IDE: variants seen among roughly 807,000 people sequenced by gnomAD.
IDE encodes insulin-degrading enzyme.
A neutral mutation model predicts 133.2 loss-of-function variants in IDE; 58 were observed. That is an observed-to-expected ratio of 0.44 (90% CI 0.35 to 0.54). The LOEUF is 0.54. Ranked by LOEUF, IDE falls within the 20% of genes least tolerant of loss-of-function variation. The pLI is 0.00. For synonymous variants in IDE, 396 were observed against 421.3 expected (o/e 0.94, Z 0.73); for missense variants, 981 against 1,234.0 (o/e 0.79, Z 3.07).
chr10:92,550,253 GA>G (rs1183964837), intron 1 of IDE, among the ~76,000 whole-genome samples: 2 of 151,914 alleles, frequency 1.3e-5, no homozygotes, highest in African/African-American at 2.4e-5. Flanking sequence ...TGTGGAGTGG[GA>G]AAAAATATCT....
intron 11 of IDE, among the ~76,000 whole-genome samples, chr10:92,493,944 C>T (rs923547464): frequency 2.6e-5 from 4 of 152,102 alleles, no homozygotes; most frequent in Non-Finnish European, 5.9e-5. Flanking sequence ...CAGGGAAGAG[C>T]ACTTGAATTA....
At chr10:92,531,710 G>GT in intron 4 of IDE, 38 bp downstream of exon 4, 1 of 1,358,510 alleles carries the variant, frequency 7.4e-7, no homozygotes, top group African/African-American at 1.4e-5. Context: ...AGTGGCCATG[G>GT]GTTTAAATGA....
chr10:92,509,811 C>T (rs370320213), intron 6 of IDE, among the ~76,000 whole-genome samples: 1 of 151,524 alleles, frequency 6.6e-6, no homozygotes, highest in Non-Finnish European at 1.5e-5. Context: ...GTCCCAACTA[C>T]TCAGAAGGCT....
At chr10:92,538,743 G>T (rs17107721) in intron 1 of IDE, among the ~76,000 whole-genome samples, 2 of 148,078 alleles carry the variant, frequency 1.4e-5, no homozygotes, top group African/African-American at 5.0e-5. Context: ...TAGGGTAGAT[G>T]TAACTTTTGT....
chr10:92,568,543 C>T (rs1460463740), intron 1 of IDE, among the ~76,000 whole-genome samples: 2 of 152,132 alleles, frequency 1.3e-5, no homozygotes, highest in African/African-American at 2.4e-5. Flanking sequence ...CAGCCGGGCA[C>T]GGTGGCCCAC....
chr10:92,486,021 T>C (rs574689419), intron 13 of IDE, among the ~76,000 whole-genome samples: 46 of 152,258 alleles, frequency 3.0e-4, no homozygotes, highest in African/African-American at 9.4e-4. Context: ...TCTCTTTGCA[T>C]AAGCTAATAT....
chr10:92,475,893 G>C lies in IDE; in HGVS notation c.1986C>G (p.Ile662Met), dbSNP rs774291118. ...FEIDEKRFEIIKEAYMRSLNN... is the reference protein window; with the variant it reads ...FEIDEKRFEIMKEAYMRSLNN... ...GGTTCAGAAAACTTACTGCTTCTTT[G>C]ATAATTTCAAATCTTTTTTCATCAA... The change falls in exon 16 of 25, where the codon ATC (isoleucine) becomes ATG (methionine). Residue 662 changes from isoleucine (I) to methionine (M), a missense_variant. Ile to Met is a conservative substitution (Grantham distance 10). This residue lies in a region of IDE where 660 missense variants were observed against 894.7 expected (regional missense o/e 0.74). Coordinates refer to ENST00000265986, the MANE Select transcript of IDE (RefSeq NM_004969.4). 2.8e-5 allele frequency: 37 copies of C among 1,334,294 alleles called. No homozygotes were observed. The Admixed American group carries it at 7.1e-4, about 25-fold the overall frequency. The allele number at this position is 1,334,294 out of a possible 1,614,324, so 82.7% of individuals were successfully genotyped here.
chr10:92,463,654 G>T, intron 21 of IDE, 77 bp downstream of exon 21: 2 of 1,335,184 alleles, frequency 1.5e-6, no homozygotes, highest in South Asian at 2.6e-5. Flanking sequence ...CCTACAAAAT[G>T]AATACCATTT....
At chr10:92,459,551 C>G (rs972408674) in intron 22 of IDE, among the ~76,000 whole-genome samples, 1 of 152,232 alleles carries the variant, frequency 6.6e-6, no homozygotes, top group South Asian at 2.1e-4. Flanking sequence ...ATGGCTAGAA[C>G]ATTAAGGGAC....
chr10:92,513,815 A>T (rs553588942), intron 5 of IDE, among the ~76,000 whole-genome samples: 2 of 152,146 alleles, frequency 1.3e-5, no homozygotes, highest in South Asian at 4.1e-4. Flanking sequence ...GCACGAGCCC[A>T]GGTACTGAGG....
At chr10:92,518,385 T>A (rs1264640814) in intron 4 of IDE, among the ~76,000 whole-genome samples, 2 of 152,108 alleles carry the variant, frequency 1.3e-5, no homozygotes, top group Non-Finnish European at 2.9e-5. Context: ...ATGAGAAAAA[T>A]ACACGTAAAA....
At chr10:92,465,300 T>C (rs993569048) in intron 20 of IDE, among the ~76,000 whole-genome samples, 1 of 152,194 alleles carries the variant, frequency 6.6e-6, no homozygotes, top group African/African-American at 2.4e-5. Flanking sequence ...AGGCTTGGGA[T>C]ATAAAGACGA....
Position 92,534,566 on chromosome 10 carries a change from A to G in IDE, c.491+12T>C. ...CACAAAGTTGGATAATTCATAGGGTATTCTGCATTACCTGTCTAGGGCACC... is the reference window on the plus strand; with the variant it reads ...CACAAAGTTGGATAATTCATAGGGTGTTCTGCATTACCTGTCTAGGGCACC... On this transcript the variant is annotated intron_variant, in intron 3 of 24. Transcript: ENST00000265986. The G allele has an allele frequency of 6.6e-7, 1 of 1,517,270 alleles. No individual in the cohort carries two copies. The allele number at this position is 1,517,270 out of a possible 1,614,324, so 94.0% of individuals were successfully genotyped here. A position where few individuals can be genotyped will look rare whatever the true frequency, so the allele number is the denominator to read the frequency against.
intron 11 of IDE, among the ~76,000 whole-genome samples, chr10:92,501,672 A>G (rs1288961424): frequency 3.3e-5 from 5 of 150,918 alleles, no homozygotes; most frequent in African/African-American, 1.2e-4. Context: ...CCGTCTAAAA[A>G]AAAAAAGAAA....
intron 13 of IDE, among the ~76,000 whole-genome samples, chr10:92,485,931 C>T (rs1331142413): frequency 6.6e-6 from 1 of 150,392 alleles, no homozygotes; most frequent in Non-Finnish European, 1.5e-5. Context: ...AACAGAGAGA[C>T]CCTGTCTCCA....
intron 18 of IDE, among the ~76,000 whole-genome samples, chr10:92,469,493 A>G (rs1483188631): frequency 2.6e-5 from 4 of 152,052 alleles, no homozygotes; most frequent in Non-Finnish European, 5.9e-5. Context: ...CAGTGGCACA[A>G]TCATAACTCA....
intron 2 of IDE, among the ~76,000 whole-genome samples, chr10:92,536,358 G>A (rs1302501251): frequency 2.0e-5 from 3 of 147,836 alleles, no homozygotes; most frequent in Non-Finnish European, 4.5e-5. Flanking sequence ...ACTCCAGCCC[G>A]GACGACAACA....
intron 1 of IDE, among the ~76,000 whole-genome samples, chr10:92,543,919 G>GT (rs1337797997): frequency 6.6e-6 from 1 of 152,180 alleles, no homozygotes; most frequent in Non-Finnish European, 1.5e-5. Flanking sequence ...TCCACATGGA[G>GT]TTTTCAGGGC....
chr10:92,569,326 G>C (rs1043609170), intron 1 of IDE, among the ~76,000 whole-genome samples: 18 of 152,218 alleles, frequency 1.2e-4, no homozygotes, highest in African/African-American at 4.3e-4. Context: ...CAGAACCACT[G>C]GTGATATTTA....
Sources: allele counts gnomAD v4.1 joint callset (sites outside exome capture counted in the v4.1 genomes callset), GRCh38; gene constraint gnomAD v4.1.1; regional missense constraint gnomAD v4.1.1; transcripts MANE v1.5; gene names NCBI Gene and HGNC (gene_info 2026-07-23, HGNC 2026-07-21).